Variants in CLDN10 observed in about 807,000 individuals in gnomAD.
The protein encoded by CLDN10 is claudin 10.
Under a neutral mutation model 22.9 loss-of-function variants are expected in CLDN10, and 15 were observed. The observed-to-expected ratio is 0.65, with a 90% CI of 0.44 to 1.01. CLDN10 has a LOEUF of 1.01. Ranked by LOEUF, CLDN10 falls within the 50% of genes least tolerant of loss-of-function variation. The pLI is 0.00. For synonymous variants in CLDN10, 114 were observed against 111.4 expected, an observed-to-expected ratio of 1.02 and a Z score of -0.15; for missense variants, 247 against 287.8, an observed-to-expected ratio of 0.86 and a Z score of 1.03.
At chr13:95,455,230 T>C (rs1344605482) in intron 1 of CLDN10, among the ~76,000 whole-genome samples, 1 of 152,194 alleles carries the variant, frequency 6.6e-6, no homozygotes. Context: ...AAAATTCTCT[T>C]CCTGCAGCCT....
At chr13:95,488,039 G>A (rs905772006) in intron 1 of CLDN10, among the ~76,000 whole-genome samples, 4 of 151,070 alleles carry the variant, frequency 2.6e-5, no homozygotes, top group Non-Finnish European at 4.4e-5. Flanking sequence ...AGGCTGGAGT[G>A]CAGTGGCGTG....
In CLDN10 at chr13:95,560,304, A is replaced by G. The variant is rs985851504; in HGVS notation, c.382+11A>G. The G allele has an allele frequency of 1.2e-6, 2 of 1,613,894 alleles. No homozygotes were observed. Among genetic ancestry groups the G allele is most frequent in the South Asian group, 2.2e-5 (2 of 91,060 alleles). ...TATTCATACTGTCAGGTAAATAGTA[A>G]CTTTCTTCCAAACAAGGTACTTGAT... On this transcript the variant is annotated intron_variant, in intron 2 of 4. Transcript: ENST00000299339.
chr13:95,446,887 C>G (rs1160356771), intron 1 of CLDN10, among the ~76,000 whole-genome samples: 1 of 152,036 alleles, frequency 6.6e-6, no homozygotes, highest in Non-Finnish European at 1.5e-5. Flanking sequence ...ACACATAGCT[C>G]TCCATCTCTA....
chr13:95,463,323 T>TATATA (rs2042554083), intron 1 of CLDN10, among the ~76,000 whole-genome samples: 1 of 109,630 alleles, frequency 9.1e-6, no homozygotes. Context: ...TATATATATA[T>TATATA]ATTTGCCTTT....
chr13:95,537,707 T>C (rs1436537621), intron 1 of CLDN10, among the ~76,000 whole-genome samples: 1 of 152,236 alleles, frequency 6.6e-6, no homozygotes, highest in Non-Finnish European at 1.5e-5. Flanking sequence ...TGCTTATTCT[T>C]GCTTCTGTAA....
chr13:95,526,030 C>T (rs746988147), intron 1 of CLDN10, among the ~76,000 whole-genome samples: 4 of 152,022 alleles, frequency 2.6e-5, no homozygotes, highest in African/African-American at 4.8e-5. Flanking sequence ...TCAATGTTTT[C>T]GCACTTCTCT....
chr13:95,573,135 G>A lies in CLDN10; in HGVS notation c.465-4096G>A, dbSNP rs2043883037. 1.3e-5 allele frequency among the ~76,000 whole-genome samples: 2 copies of A among 152,172 alleles called. 1 individual carries two copies. Among genetic ancestry groups the A allele is most frequent in the South Asian group, 4.1e-4 (2 of 4,830 alleles). ...CTTAGATCTTTATGGTTTCTTCTTTGAGAAAATAATAAGTGGTTATCTGTG... is the reference window on the plus strand; with the variant it reads ...CTTAGATCTTTATGGTTTCTTCTTTAAGAAAATAATAAGTGGTTATCTGTG... On this transcript the variant is annotated intron_variant, in intron 3 of 4. Transcript: ENST00000299339.
intron 1 of CLDN10, among the ~76,000 whole-genome samples, chr13:95,495,496 G>C (rs2042919290): frequency 6.6e-6 from 1 of 151,436 alleles, no homozygotes; most frequent in Non-Finnish European, 1.5e-5. Context: ...TGTAATCCCA[G>C]CACTTTGGGA....
chr13:95,551,262 A>C (rs114624735), upstream of CLDN10, among the ~76,000 whole-genome samples: 3,618 of 152,318 alleles, frequency 0.024, 142 homozygotes, highest in African/African-American at 0.082. Flanking sequence ...CAATAGGAAG[A>C]AAAGCTTTTT....
chr13:95,489,275 T>C (rs2042843136), intron 1 of CLDN10, among the ~76,000 whole-genome samples: 3 of 152,170 alleles, frequency 2.0e-5, no homozygotes, highest in East Asian at 1.9e-4. Context: ...AAGGACTCTC[T>C]ACACTGTTTT....
chr13:95,569,665 G>C (rs527771309), intron 3 of CLDN10, among the ~76,000 whole-genome samples: 19 of 152,310 alleles, frequency 1.2e-4, no homozygotes, highest in African/African-American at 4.6e-4. Context: ...CTCTGTCATA[G>C]CATTGAGTTA....
intron 1 of CLDN10, among the ~76,000 whole-genome samples, chr13:95,474,716 G>A (rs924850592): frequency 2.0e-5 from 3 of 152,232 alleles, no homozygotes; most frequent in South Asian, 2.1e-4. Flanking sequence ...ATGTAGAAAC[G>A]GATGGGGAGA....
At position 95,485,153 on chromosome 13, in the gene CLDN10, AG is replaced by A. The variant is rs1468169248; in HGVS notation, c.214+51107del. On this transcript the variant is annotated intron_variant, in intron 1 of 4. Transcript: ENST00000376873. ...CTGGGAACAGAGTGAACCACCAGGAAGCTGTGGGAGGCAGGCTTTGTAGTAA... is the reference window on the plus strand; with the variant it reads ...CTGGGAACAGAGTGAACCACCAGGAACTGTGGGAGGCAGGCTTTGTAGTAA... Among the ~76,000 whole-genome samples, 3 of 27,624 alleles carry A rather than the reference AG, an allele frequency of 1.1e-4. No homozygotes were observed. The African/African-American group carries it at 1.6e-3, about 15-fold the overall frequency. The allele number at this position is 27,624 out of a possible 152,430, so 18.1% of individuals were successfully genotyped here.
intron 1 of CLDN10, among the ~76,000 whole-genome samples, chr13:95,535,507 C>T (rs139163888): frequency 6.7e-6 from 1 of 149,294 alleles, no homozygotes; most frequent in African/African-American, 2.5e-5. Flanking sequence ...GCTTGGCAGA[C>T]TGAGTGGGTA....
chr13:95,439,681 G>T (rs1466982226), intron 1 of CLDN10, among the ~76,000 whole-genome samples: 1 of 151,940 alleles, frequency 6.6e-6, no homozygotes, highest in East Asian at 1.9e-4. Context: ...TGAGGGCTCT[G>T]CCTTCCTGAC....
At chr13:95,545,461 C>T (rs974864218) in intron 1 of CLDN10, among the ~76,000 whole-genome samples, 28 of 151,970 alleles carry the variant, frequency 1.8e-4, no homozygotes, top group African/African-American at 5.8e-4. Flanking sequence ...CGCTTGAACC[C>T]GGAAGGTGGA....
chr13:95,503,080 G>C (rs1468429141), intron 1 of CLDN10, among the ~76,000 whole-genome samples: 1 of 152,188 alleles, frequency 6.6e-6, no homozygotes, highest in Non-Finnish European at 1.5e-5. Context: ...TTCCTGTGTA[G>C]GTGAAGAGAA....
upstream of CLDN10, among the ~76,000 whole-genome samples, chr13:95,549,056 A>G (rs1344067480): frequency 1.3e-5 from 2 of 152,202 alleles, no homozygotes; most frequent in Admixed American, 6.5e-5. Context: ...ATAATTTTCA[A>G]TGCTAATTCC....
intron 1 of CLDN10, among the ~76,000 whole-genome samples, chr13:95,443,370 G>A (rs1240777545): frequency 1.3e-5 from 2 of 152,212 alleles, no homozygotes; most frequent in Non-Finnish European, 1.5e-5. Flanking sequence ...ATTGTATGAC[G>A]TAGACTAACC....
Sources: allele counts gnomAD v4.1 joint callset (sites outside exome capture counted in the v4.1 genomes callset), GRCh38; gene constraint gnomAD v4.1.1; transcripts MANE v1.5; gene names NCBI Gene and HGNC (gene_info 2026-07-23, HGNC 2026-07-21).